The following RAPGEF5 variants were observed in gnomAD, a reference collection of about 807,000 sequenced individuals.
RAPGEF5 encodes the protein Rap guanine nucleotide exchange factor 5, also known as M-Ras-regulated GEF.
Under a neutral mutation model 125.2 loss-of-function variants are expected in RAPGEF5, and 65 were observed. The ratio of observed to expected loss-of-function variants is 0.52; its 90% confidence interval spans 0.43 to 0.64. The LOEUF is 0.64. Ranked by LOEUF, RAPGEF5 falls within the 30% of genes least tolerant of loss-of-function variation. RAPGEF5 has a pLI of 0.00. For missense variants in RAPGEF5, 958 were observed against 1,048.1 expected (o/e 0.91, Z 1.19); for synonymous variants, 391 against 385.9 (o/e 1.01, Z -0.16).
intron 11 of RAPGEF5, among the ~76,000 whole-genome samples, chr7:22,186,705 A>G (rs879739434): frequency 2.6e-5 from 4 of 152,256 alleles, no homozygotes; most frequent in Non-Finnish European, 4.4e-5. Context: ...CAGAAACTCA[A>G]TAACTAAAAT....
chr7:22,260,496 T>A (rs576096790), intron 7 of RAPGEF5, among the ~76,000 whole-genome samples: 1 of 137,452 alleles, frequency 7.3e-6, no homozygotes, highest in African/African-American at 2.8e-5. Context: ...AGAAAAAGAC[T>A]GAGGAACCAT....
chr7:22,344,750 C>T (rs1468565629), intron 1 of RAPGEF5, among the ~76,000 whole-genome samples: 1 of 152,222 alleles, frequency 6.6e-6, no homozygotes, highest in African/African-American at 2.4e-5. Context: ...GCTCCAAATC[C>T]TCCCCACTTT....
At chr7:22,274,535 GC>G (rs1423260387) in intron 6 of RAPGEF5, among the ~76,000 whole-genome samples, 1 of 151,980 alleles carries the variant, frequency 6.6e-6, no homozygotes, top group Non-Finnish European at 1.5e-5. Flanking sequence ...TTGTTATGTT[GC>G]CCAGACTGGT....
At chr7:22,147,674 A>C (rs1199578233) in intron 18 of RAPGEF5, among the ~76,000 whole-genome samples, 1 of 152,234 alleles carries the variant, frequency 6.6e-6, no homozygotes, top group East Asian at 1.9e-4. Context: ...ATATGGCATA[A>C]AAGTATTAGA....
chr7:22,190,624 C>A (rs1784963932), intron 11 of RAPGEF5, among the ~76,000 whole-genome samples: 1 of 152,194 alleles, frequency 6.6e-6, no homozygotes. Flanking sequence ...TAAACGTTAT[C>A]TATTTGTATG....
At chr7:22,185,790 G>C (rs80031343) in intron 11 of RAPGEF5, among the ~76,000 whole-genome samples, 2,525 of 152,182 alleles carry the variant, frequency 0.017, 40 homozygotes, top group East Asian at 0.055. Context: ...GGCAGCTGGA[G>C]TTTGTGCTAA....
At chr7:22,345,548 T>C (rs750152677) in intron 1 of RAPGEF5, among the ~76,000 whole-genome samples, 1 of 152,056 alleles carries the variant, frequency 6.6e-6, no homozygotes, top group East Asian at 1.9e-4. Context: ...GTTATGAAAA[T>C]AGTAAAATAA....
intron 11 of RAPGEF5, among the ~76,000 whole-genome samples, chr7:22,184,592 T>A (rs910011201): frequency 1.5e-4 from 23 of 152,214 alleles, no homozygotes; most frequent in African/African-American, 5.5e-4. Flanking sequence ...CCATTAAATA[T>A]CTTCCTTTGC....
chr7:22,342,617 T>C (rs1437905712), intron 1 of RAPGEF5, among the ~76,000 whole-genome samples: 1 of 152,240 alleles, frequency 6.6e-6, no homozygotes, highest in Non-Finnish European at 1.5e-5. Flanking sequence ...AAGTCACCTC[T>C]TGAATGCTTT....
chr7:22,142,533 C>T (rs1783297231), intron 20 of RAPGEF5, among the ~76,000 whole-genome samples: 1 of 152,040 alleles, frequency 6.6e-6, no homozygotes, highest in Non-Finnish European at 1.5e-5. Flanking sequence ...CCCATAAAAA[C>T]ACACATATAA....
intron 6 of RAPGEF5, among the ~76,000 whole-genome samples, chr7:22,270,379 T>C (rs1456560639): frequency 6.6e-6 from 1 of 152,228 alleles, no homozygotes; most frequent in Non-Finnish European, 1.5e-5. Flanking sequence ...GTTTCAAATC[T>C]GTAGATTCTG....
intron 13 of RAPGEF5, among the ~76,000 whole-genome samples, chr7:22,161,040 CAAAAAAA>C (rs58855860): frequency 3.4e-5 from 5 of 146,012 alleles, no homozygotes; most frequent in Admixed American, 1.4e-4. Flanking sequence ...ACTAAAAATA[CAAAAAAA>C]AAAAAAAAAA....
At position 22,197,518 on chromosome 7, in the gene RAPGEF5, T is replaced by C. The variant is rs7787133; in HGVS notation, c.997-3485A>G. Among the ~76,000 whole-genome samples the C allele has an allele frequency of 2.7e-3, 416 of 152,334 alleles. 1 individual carries two copies. The highest frequency in any genetic ancestry group is 9.7e-3 in the African/African-American group (404 of 41,574). On this transcript the variant is annotated intron_variant, in intron 9 of 25. Coordinates refer to ENST00000665637, the MANE Select transcript of RAPGEF5 (RefSeq NM_012294.5). Reference sequence around the variant, plus strand: ...TATACTTCTTTTCATCTCACAACTTTCTTGGCCTAACTCTTATTTATCCCA... The same window carrying C: ...TATACTTCTTTTCATCTCACAACTTCCTTGGCCTAACTCTTATTTATCCCA...
At chr7:22,346,646 T>C (rs1011262200) in intron 1 of RAPGEF5, among the ~76,000 whole-genome samples, 19 of 152,096 alleles carry the variant, frequency 1.2e-4, no homozygotes, top group Non-Finnish European at 2.1e-4. Context: ...TTTGACAAGG[T>C]CAAATTCAAC....
intron 9 of RAPGEF5, among the ~76,000 whole-genome samples, chr7:22,198,148 T>G (rs1234105109): frequency 1.3e-5 from 2 of 152,210 alleles, no homozygotes; most frequent in African/African-American, 2.4e-5. Flanking sequence ...CACCTCAGTC[T>G]CCCAAAGAAC....
At chr7:22,179,507 T>C (rs1784608263) in intron 11 of RAPGEF5, among the ~76,000 whole-genome samples, 1 of 152,172 alleles carries the variant, frequency 6.6e-6, no homozygotes, top group Admixed American at 6.5e-5. Context: ...GTCAGAGGCA[T>C]TTGAGCCAGA....
chr7:22,134,261 A>T (rs963777074), intron 23 of RAPGEF5, among the ~76,000 whole-genome samples: 1 of 152,242 alleles, frequency 6.6e-6, no homozygotes, highest in South Asian at 2.1e-4. Flanking sequence ...AAGTACAATG[A>T]AGTACTAATA....
chr7:22,313,618 T>A (rs1783523040), intron 3 of RAPGEF5, among the ~76,000 whole-genome samples: 1 of 152,196 alleles, frequency 6.6e-6, no homozygotes, highest in Non-Finnish European at 1.5e-5. Flanking sequence ...TGAACCTGAT[T>A]AATGTTCATC....
intron 7 of RAPGEF5, among the ~76,000 whole-genome samples, chr7:22,236,407 G>A (rs934221178): frequency 6.6e-6 from 1 of 152,178 alleles, no homozygotes; most frequent in Admixed American, 6.5e-5. Context: ...GCTGTGATAG[G>A]TGTAGTGGCA....
Sources: gnomAD v4.1 joint callset for allele counts (sites outside exome capture counted in the v4.1 genomes callset) on GRCh38, gnomAD v4.1.1 for gene constraint, MANE v1.5 for transcripts, NCBI Gene and HGNC (gene_info 2026-07-23, HGNC 2026-07-21) for gene names.